KHDRBS1: variants seen among roughly 807,000 people sequenced by gnomAD.
KHDRBS1 encodes the protein KH domain-containing, RNA-binding, signal transduction-associated protein 1.
A neutral mutation model predicts 48.4 loss-of-function variants in KHDRBS1; 7 were observed. The observed-to-expected ratio is 0.14, with a 90% CI of 0.08 to 0.27. The LOEUF is 0.27. KHDRBS1 is among the 10% of genes least tolerant of loss of function. The probability of loss-of-function intolerance (pLI) is 1.00; values close to 1 mark genes in which losing one functional copy is unlikely to be tolerated. For synonymous variants in KHDRBS1, 241 were observed against 235.8 expected (o/e 1.02, Z -0.20); for missense variants, 458 against 601.2 (o/e 0.76, Z 2.49).
chr1:32,026,920 C>T (rs1227051646), intron 1 of KHDRBS1, among the ~76,000 whole-genome samples: 1 of 152,082 alleles, frequency 6.6e-6, no homozygotes, highest in Admixed American at 6.5e-5. Context: ...TCAGCCTCCT[C>T]GGTAGCTGGG....
intron 8 of KHDRBS1, among the ~76,000 whole-genome samples, chr1:32,040,049 G>A (rs1416162062): frequency 6.6e-6 from 1 of 152,178 alleles, no homozygotes; most frequent in South Asian, 2.1e-4. Context: ...GAATGTCATT[G>A]TAAAGGAAAT....
At position 32,059,182 on chromosome 1, in the gene KHDRBS1, A is replaced by C. The variant is rs567843023; in HGVS notation, n.1302-981A>C. Among the ~76,000 whole-genome samples the C allele has an allele frequency of 3.4e-3, 507 of 150,346 alleles. 8 individuals carry two copies. The highest frequency in any genetic ancestry group is 0.012 in the African/African-American group (487 of 40,340). On this transcript the variant is annotated intron_variant and non_coding_transcript_variant, in intron 10 of 10. Coordinates refer to the KHDRBS1 transcript ENST00000484270. ...TCTCAGGAGAAAAAAAAAAAAAAAA[A>C]AACAAAACCTTTTAGGCGATAGAAT...
intron 6 of KHDRBS1, 108 bp from the exon 7 acceptor site, chr1:32,038,444 C>A: frequency 1.9e-6 from 2 of 1,075,158 alleles, no homozygotes; most frequent in Non-Finnish European, 2.7e-6. Flanking sequence ...AGGGAAATGT[C>A]ATGTCCTTTT....
At chr1:32,040,667 C>T (rs919936987) in intron 8 of KHDRBS1, among the ~76,000 whole-genome samples, 4 of 152,208 alleles carry the variant, frequency 2.6e-5, no homozygotes, top group African/African-American at 9.6e-5. Flanking sequence ...ACTGGGAATA[C>T]TATGTGGCAG....
rs912919264 is a variant in KHDRBS1, at chr1:32,030,650, GTTTC to G, written c.507+234_507+237del. Among the ~76,000 whole-genome samples the G allele has an allele frequency of 2.0e-5, 3 of 151,918 alleles. No homozygotes were observed. The South Asian group carries it at 6.2e-4, about 32-fold the overall frequency. On this transcript the variant is annotated intron_variant, in intron 2 of 8. Coordinates refer to ENST00000327300, the MANE Select transcript of KHDRBS1 (RefSeq NM_006559.3). Reference sequence around the variant, plus strand: ...ATAATCATCTTTTTATTATCAAAAAGTTTCTTTCTCAAATGATTGCTCAGGCTAC... The same window carrying G: ...ATAATCATCTTTTTATTATCAAAAAGTTTCTCAAATGATTGCTCAGGCTAC...
intron 1 of KHDRBS1, among the ~76,000 whole-genome samples, chr1:32,019,151 C>G (rs988428403): frequency 1.3e-5 from 2 of 152,202 alleles, no homozygotes; most frequent in Non-Finnish European, 2.9e-5. Context: ...GGAATATGCT[C>G]AAAGAAACTT....
chr1:32,044,746 C>T (rs1035504301), downstream of KHDRBS1, among the ~76,000 whole-genome samples: 1 of 152,226 alleles, frequency 6.6e-6, no homozygotes, highest in Non-Finnish European at 1.5e-5. Flanking sequence ...TCACTCTATA[C>T]CCCCCTTTTT....
At chr1:32,026,532 A>C (rs192126562) in intron 1 of KHDRBS1, among the ~76,000 whole-genome samples, 70 of 152,310 alleles carry the variant, frequency 4.6e-4, no homozygotes, top group Middle Eastern at 3.4e-3. Context: ...AAAATAGAAG[A>C]ATCCATGTTA....
chr1:32,039,015 T>G (rs981340620), intron 7 of KHDRBS1, among the ~76,000 whole-genome samples: 2 of 152,236 alleles, frequency 1.3e-5, no homozygotes, highest in African/African-American at 4.8e-5. Flanking sequence ...TATTTTGATT[T>G]ATTATTTTAA....
intron 1 of KHDRBS1, among the ~76,000 whole-genome samples, chr1:32,024,693 C>CTAA (rs932208717): frequency 4.6e-5 from 7 of 152,044 alleles, no homozygotes; most frequent in African/African-American, 1.4e-4. Context: ...AGTTATTTAA[C>CTAA]CTCTTTGAGT....
At position 32,043,621 on chromosome 1, in the gene KHDRBS1, A is replaced by G. The variant is rs917703262; in HGVS notation, c.*997A>G. The stretch of plus-strand genomic sequence containing the variant: ...TTCTTAAGTTGACGGTTGTCAATAT[A>G]TCGAACTGTTCCCAAGTTAGTCAAG... On this transcript the variant is annotated 3_prime_UTR_variant, in exon 9 of 9. Transcript: ENST00000327300. The G allele has an allele frequency of 1.1e-4, 17 of 152,778 alleles. No individual in the cohort carries two copies. The highest frequency in any genetic ancestry group is 8.3e-4 in the South Asian group (4 of 4,832). 9.5% of individuals were successfully genotyped at this position (152,778 alleles called of 1,614,324 possible). A position where few individuals can be genotyped will look rare whatever the true frequency, so the allele number is the denominator to read the frequency against.
At chr1:32,024,481 A>G (rs1638923355) in intron 1 of KHDRBS1, among the ~76,000 whole-genome samples, 1 of 149,350 alleles carries the variant, frequency 6.7e-6, no homozygotes, top group Non-Finnish European at 1.5e-5. Flanking sequence ...GAGCTAATTT[A>G]ATTTATTTTT....
intron 1 of KHDRBS1, among the ~76,000 whole-genome samples, chr1:32,029,513 C>T (rs939408586): frequency 6.6e-6 from 1 of 151,854 alleles, no homozygotes; most frequent in Admixed American, 6.6e-5. Flanking sequence ...CAAAATTAGC[C>T]GGGCATGGTG....
intron 10 of KHDRBS1, among the ~76,000 whole-genome samples, chr1:32,059,427 C>T (rs1408496606): frequency 2.6e-5 from 4 of 151,446 alleles, no homozygotes; most frequent in African/African-American, 9.7e-5. Context: ...TGTCTGTGAT[C>T]GTATATGGAG....
At chr1:32,056,152 G>A (rs568661771) in intron 10 of KHDRBS1, among the ~76,000 whole-genome samples, 58 of 152,062 alleles carry the variant, frequency 3.8e-4, no homozygotes, top group Admixed American at 2.4e-3. Context: ...ATTCCTAGCC[G>A]GTACTGTGGT....
intron 1 of KHDRBS1, among the ~76,000 whole-genome samples, chr1:32,016,084 A>T (rs748300382): frequency 6.6e-6 from 1 of 152,038 alleles, no homozygotes; most frequent in Non-Finnish European, 1.5e-5. Context: ...AAGCTGAGGC[A>T]GGAAAATCAC....
At chr1:32,025,136 C>T (rs925763139) in intron 1 of KHDRBS1, among the ~76,000 whole-genome samples, 1 of 151,612 alleles carries the variant, frequency 6.6e-6, no homozygotes, top group African/African-American at 2.4e-5. Flanking sequence ...CATGGTGGCA[C>T]GCGCCTATGG....
intron 1 of KHDRBS1, among the ~76,000 whole-genome samples, chr1:32,021,656 A>G (rs1638860941): frequency 6.6e-6 from 1 of 151,986 alleles, no homozygotes; most frequent in East Asian, 1.9e-4. Flanking sequence ...TCACTATGTC[A>G]CTCAGGCTGG....
At chr1:32,014,858 G>T (rs1638704618) in intron 1 of KHDRBS1, among the ~76,000 whole-genome samples, 1 of 152,204 alleles carries the variant, frequency 6.6e-6, no homozygotes, top group Non-Finnish European at 1.5e-5. Context: ...AGGCTGGAAT[G>T]CCCTGTCCAG....
Sources: allele counts gnomAD v4.1 joint callset (sites outside exome capture counted in the v4.1 genomes callset), GRCh38; gene constraint gnomAD v4.1.1; transcripts MANE v1.5; gene names NCBI Gene and HGNC (gene_info 2026-07-23, HGNC 2026-07-21).